Variants in ATXN2 observed in about 807,000 individuals in gnomAD.
The protein encoded by ATXN2 is ataxin 2.
ATXN2 carries 37 observed loss-of-function variants against 138.6 expected under a neutral mutation model. The ratio of observed to expected loss-of-function variants is 0.27; its 90% confidence interval spans 0.21 to 0.35. The LOEUF is 0.35. Ranked by LOEUF, ATXN2 falls within the 10% of genes least tolerant of loss-of-function variation. ATXN2 has a pLI of 1.00. For missense variants in ATXN2, 1,216 were observed against 1,480.3 expected (o/e 0.82, Z 2.93); for synonymous variants, 549 against 543.7 (o/e 1.01, Z -0.13).
chr12:111,509,915 T>C lies in ATXN2; in HGVS notation c.1840A>G (p.Ser614Gly). The C allele has an allele frequency of 6.2e-7, 1 of 1,612,586 alleles. No individual in the cohort carries two copies. Among genetic ancestry groups the C allele is most frequent in the Non-Finnish European group, 8.5e-7 (1 of 1,178,982 alleles). Residue 614 changes from serine (S) to glycine (G), a missense_variant, in exon 13 of 25, where the codon AGC becomes GGC. Physicochemically the swap from Ser to Gly is moderately conservative, Grantham distance 56. Transcript: ENST00000673436. ...CCTTTGTTTTCAGCTTTTGAGAAGCTAGGTGATGTTTCATTGGGTTTAATA... is the reference window on the plus strand; with the variant it reads ...CCTTTGTTTTCAGCTTTTGAGAAGCCAGGTGATGTTTCATTGGGTTTAATA... ...ENIKPNETSP[S>G]FSKAENKGIS... is the part of the protein sequence containing the mutation.
intron 1 of ATXN2, among the ~76,000 whole-genome samples, chr12:111,567,241 C>G (rs1397073308): frequency 6.6e-6 from 1 of 152,110 alleles, no homozygotes; most frequent in Non-Finnish European, 1.5e-5. Flanking sequence ...GTGGCTCACA[C>G]TTGTAATCCC....
intron 6 of ATXN2, among the ~76,000 whole-genome samples, chr12:111,522,693 A>C (rs1880244347): frequency 6.6e-6 from 1 of 151,508 alleles, no homozygotes; most frequent in Non-Finnish European, 1.5e-5. Flanking sequence ...TGGGTGGATC[A>C]CCTGAGATTA....
intron 5 of ATXN2, among the ~76,000 whole-genome samples, chr12:111,536,333 A>G (rs1454247355): frequency 6.6e-6 from 1 of 152,180 alleles, no homozygotes; most frequent in Non-Finnish European, 1.5e-5. Context: ...ACTTTTTACC[A>G]TGTGTGCATA....
intron 1 of ATXN2, among the ~76,000 whole-genome samples, chr12:111,585,347 T>C (rs2135838393): frequency 6.6e-6 from 1 of 151,232 alleles, no homozygotes. Flanking sequence ...ACCCCATCTC[T>C]ACTAAAAATA....
chr12:111,478,253 A>T (rs1183292859), intron 18 of ATXN2, among the ~76,000 whole-genome samples: 5 of 152,102 alleles, frequency 3.3e-5, no homozygotes, highest in Admixed American at 2.6e-4. Flanking sequence ...CTAAAAATAC[A>T]AAATTAGCCA....
chr12:111,454,882 CT>C, intron 23 of ATXN2: 1 of 591,368 alleles, frequency 1.7e-6, no homozygotes, highest in Non-Finnish European at 3.1e-6. Context: ...GACCCCAGCT[CT>C]TATGAAGCTG....
Position 111,599,101 on chromosome 12 carries a change from G to A in ATXN2, c.-67C>T. On this transcript the variant is annotated 5_prime_UTR_variant, in exon 1 of 25. Coordinates refer to ENST00000673436, the MANE Select transcript of ATXN2 (RefSeq NM_001372574.1). ...AGCCGGGAGCCGGGCGCGCCAAGGAGACGCCGGAACGCGGCGGGGACGCGC... is the reference window on the plus strand; with the variant it reads ...AGCCGGGAGCCGGGCGCGCCAAGGAAACGCCGGAACGCGGCGGGGACGCGC... 1.5e-6 allele frequency: 2 copies of A among 1,313,998 alleles called. No individual in the cohort carries two copies. The highest frequency in any genetic ancestry group is 1.9e-6 in the Non-Finnish European group (2 of 1,031,358). 81.4% of individuals were successfully genotyped at this position (1,313,998 alleles called of 1,614,324 possible).
intron 6 of ATXN2, among the ~76,000 whole-genome samples, chr12:111,524,899 T>C (rs976035978): frequency 3.3e-5 from 5 of 152,216 alleles, no homozygotes; most frequent in Non-Finnish European, 5.9e-5. Context: ...GCATTTCCCA[T>C]GGTTTCTAAT....
At position 111,552,114 on chromosome 12, in the gene ATXN2, C is replaced by T. The variant is rs1454596163; in HGVS notation, c.571+166G>A. 6.6e-6 allele frequency among the ~76,000 whole-genome samples: 1 copy of T among 152,064 alleles called. No individual in the cohort carries two copies. Among genetic ancestry groups the T allele is most frequent in the Non-Finnish European group, 1.5e-5 (1 of 68,006 alleles). On this transcript the variant is annotated intron_variant, in intron 5 of 24. Transcript: ENST00000673436. The surrounding 1 kb of genome is among the most constrained non-coding windows in gnomAD (Gnocchi z 4.1). Reference sequence around the variant, plus strand: ...CAGGCTGGTCTCGAACTCCTGACCTCAGGTGATCCACCCGCCTCAGCCTCC... The same window carrying T: ...CAGGCTGGTCTCGAACTCCTGACCTTAGGTGATCCACCCGCCTCAGCCTCC...
At chr12:111,470,305 T>C (rs1463285371) in intron 19 of ATXN2, 65 bp from the exon 20 acceptor site, 2 of 1,547,714 alleles carry the variant, frequency 1.3e-6, no homozygotes, top group East Asian at 4.5e-5. Context: ...CAGACTTTAG[T>C]TAAGATTTTT....
intron 1 of ATXN2, chr12:111,564,918 G>C (rs1210786318): frequency 2.0e-5 from 3 of 152,016 alleles, no homozygotes; most frequent in Non-Finnish European, 1.5e-5. Flanking sequence ...AGATGGGGTC[G>C]CACTATATTG....
intron 10 of ATXN2, among the ~76,000 whole-genome samples, chr12:111,515,814 CT>C (rs1246413196): frequency 6.6e-6 from 1 of 152,178 alleles, no homozygotes; most frequent in African/African-American, 2.4e-5. Context: ...AAGTTCAAGA[CT>C]GGCTGAAGAA....
chr12:111,510,058 C>T (rs968363712), intron 12 of ATXN2, 60 bp from the exon 13 acceptor site: 4 of 1,195,092 alleles, frequency 3.3e-6, no homozygotes, highest in Admixed American at 2.3e-5. Context: ...CAAGAAAACA[C>T]TGAACAATAA....
intron 5 of ATXN2, among the ~76,000 whole-genome samples, chr12:111,539,518 C>G (rs1024357582): frequency 2.7e-5 from 4 of 150,092 alleles, no homozygotes; most frequent in African/African-American, 9.7e-5. Context: ...GAGGCCGAGG[C>G]GGATGGATCA....
intron 20 of ATXN2, chr12:111,469,678 C>CA (rs143776451): frequency 5.6e-5 from 10 of 179,746 alleles, no homozygotes; most frequent in African/African-American, 7.1e-5. Flanking sequence ...TAACAAACAG[C>CA]AAAAAAAATA....
rs369681500 is a variant in ATXN2, at chr12:111,496,451, A to G, written c.1936-7671T>C. Reference sequence around the variant, plus strand: ...CTCAGGAGGCTGAGGCAGAAGAATCACTTGAACTGGGGAGGCAGAGGTTGC... The same window carrying G: ...CTCAGGAGGCTGAGGCAGAAGAATCGCTTGAACTGGGGAGGCAGAGGTTGC... On this transcript the variant is annotated intron_variant, in intron 14 of 24. Coordinates refer to ENST00000673436, the MANE Select transcript of ATXN2 (RefSeq NM_001372574.1). Among the ~76,000 whole-genome samples, 57 of 152,140 alleles carry G rather than the reference A, an allele frequency of 3.7e-4. 2 individuals carry two copies. The East Asian group carries it at 9.3e-3, about 25-fold the overall frequency.
intron 14 of ATXN2, among the ~76,000 whole-genome samples, chr12:111,489,769 TAATAA>T (rs915144372): frequency 3.3e-5 from 5 of 151,140 alleles, no homozygotes; most frequent in African/African-American, 7.3e-5. Context: ...TAAAAAATAA[TAATAA>T]AATAAAATAA....
At chr12:111,472,046 C>T (rs1433386977) in intron 18 of ATXN2, 1 of 152,142 alleles carries the variant, frequency 6.6e-6, no homozygotes, top group Non-Finnish European at 1.5e-5. Flanking sequence ...GAGCGGACTG[C>T]TTGAGCTCAT....
In ATXN2 at chr12:111,507,893, T is replaced by C. The variant is rs1879262880; in HGVS notation, c.1935+1656A>G. 2.0e-5 allele frequency among the ~76,000 whole-genome samples: 3 copies of C among 152,250 alleles called. No individual in the cohort carries two copies. The South Asian group carries it at 6.2e-4, about 32-fold the overall frequency. On this transcript the variant is annotated intron_variant, in intron 14 of 24. Coordinates refer to ENST00000673436, the MANE Select transcript of ATXN2 (RefSeq NM_001372574.1). Reference sequence around the variant, plus strand: ...CCTGTGCTCTCTGAAACATGTGCTGTGTCACTCAGGGTTAAATGGATTAAG... The same window carrying C: ...CCTGTGCTCTCTGAAACATGTGCTGCGTCACTCAGGGTTAAATGGATTAAG...
Sources: allele counts gnomAD v4.1 joint callset (sites outside exome capture counted in the v4.1 genomes callset), GRCh38; gene constraint gnomAD v4.1.1; non-coding constraint Gnocchi (gnomAD v3.1); transcripts MANE v1.5; gene names NCBI Gene and HGNC (gene_info 2026-07-23, HGNC 2026-07-21).